Variants in RBFOX1 observed in about 807,000 individuals in gnomAD.
RBFOX1 encodes the protein RNA binding fox-1 homolog 1.
A neutral mutation model predicts 57.7 loss-of-function variants in RBFOX1; 8 were observed. That is an observed-to-expected ratio of 0.14 (90% confidence interval 0.08 to 0.25). The LOEUF (loss-of-function observed/expected upper bound fraction) is 0.25. RBFOX1 is among the 10% of genes least tolerant of loss of function. RBFOX1 has a pLI of 1.00. For synonymous variants in RBFOX1, 326 were observed against 222.4 expected, an observed-to-expected ratio of 1.47 and a Z score of -4.15; for missense variants, 611 against 548.5, an observed-to-expected ratio of 1.11 and a Z score of -1.14.
At chr16:5,852,504 A>C (rs974139810) in intron 3 of RBFOX1, among the ~76,000 whole-genome samples, 2 of 152,198 alleles carry the variant, frequency 1.3e-5, no homozygotes, top group African/African-American at 4.8e-5. Context: ...TCAGCCAGCC[A>C]TGGACTGCAG....
Position 5,497,638 on chromosome 16 carries a change from A to AAAAAT in RBFOX1, c.258+30384_258+30385insAAAAT, listed in dbSNP as rs71142625. Among the ~76,000 whole-genome samples, 174 of 139,444 alleles carry AAAAAT rather than the reference A, an allele frequency of 1.2e-3. 6 individuals carry two copies. Among genetic ancestry groups the AAAAAT allele is most frequent in the Middle Eastern group, 0.012 (3 of 254 alleles). 91.5% of individuals were successfully genotyped at this position (139,444 alleles called of 152,430 possible). ...CTAAAAATACAAAAAAAAAAAAAAA[A>AAAAAT]GCTGGGCATGGTGGCACACACTCCC... On this transcript the variant is annotated intron_variant, in intron 2 of 2. Coordinates refer to the RBFOX1 transcript ENST00000585867.
At chr16:7,069,288 C>T (rs1023373830) in intron 4 of RBFOX1, among the ~76,000 whole-genome samples, 1 of 152,150 alleles carries the variant, frequency 6.6e-6, no homozygotes, top group Non-Finnish European at 1.5e-5. Context: ...CTGCACCTGT[C>T]ATCCCACCAT....
intron 4 of RBFOX1, among the ~76,000 whole-genome samples, chr16:7,336,212 C>A (rs545770788): frequency 2.0e-5 from 3 of 152,176 alleles, no homozygotes; most frequent in African/African-American, 7.2e-5. Context: ...AAGCCATGGA[C>A]CATGGCCAAA....
chr16:5,833,318 C>G (rs1364179552), intron 3 of RBFOX1, among the ~76,000 whole-genome samples: 1 of 151,564 alleles, frequency 6.6e-6, no homozygotes, highest in Non-Finnish European at 1.5e-5. Flanking sequence ...ACGGTGAAAC[C>G]CCATCTCTAC....
intron 4 of RBFOX1, among the ~76,000 whole-genome samples, chr16:5,932,486 A>G (rs867919025): frequency 6.6e-6 from 1 of 152,226 alleles, no homozygotes; most frequent in African/African-American, 2.4e-5. Context: ...CTAAGCAGAC[A>G]GAGACCCCAG....
intron 4 of RBFOX1, among the ~76,000 whole-genome samples, chr16:7,198,170 T>C (rs1209048193): frequency 6.6e-6 from 1 of 151,990 alleles, no homozygotes; most frequent in Non-Finnish European, 1.5e-5. Flanking sequence ...CACAGCTGGC[T>C]AATCTTTTGT....
chr16:7,162,728 CA>C (rs900815412), intron 4 of RBFOX1, among the ~76,000 whole-genome samples: 2 of 150,154 alleles, frequency 1.3e-5, no homozygotes, highest in Admixed American at 6.6e-5. Flanking sequence ...GACCGTAGCT[CA>C]AAAAAAAATA....
intron 2 of RBFOX1, among the ~76,000 whole-genome samples, chr16:6,631,511 G>T (rs1602056540): frequency 6.6e-6 from 1 of 151,964 alleles, no homozygotes; most frequent in Non-Finnish European, 1.5e-5. Flanking sequence ...ATTCGCTCCT[G>T]AACAAATATT....
chr16:7,013,907 C>A (rs974199906), intron 3 of RBFOX1, among the ~76,000 whole-genome samples: 1 of 152,168 alleles, frequency 6.6e-6, no homozygotes, highest in African/African-American at 2.4e-5. Flanking sequence ...ATCTTCCTGC[C>A]TCAGCCTCCC....
rs183697232 is a variant in RBFOX1, at chr16:6,127,472, A to T, written c.-127+107480A>T. 2.7e-3 allele frequency among the ~76,000 whole-genome samples: 418 copies of T among 152,240 alleles called. 1 individual carries two copies. Among genetic ancestry groups the T allele is most frequent in the Non-Finnish European group, 4.6e-3 (310 of 68,016 alleles). ...GCAAGGCAGGGATTTGAAAGATGTG[A>T]AGTGATGTGTCTGTGGGCCTTAGAA... On this transcript the variant is annotated intron_variant, in intron 1 of 15. Transcript: ENST00000550418.
chr16:6,351,928 G>C (rs938466982), intron 2 of RBFOX1, among the ~76,000 whole-genome samples: 2 of 152,138 alleles, frequency 1.3e-5, no homozygotes, highest in African/African-American at 4.8e-5. Context: ...GAGTATACGG[G>C]AGATGCTGTA....
intron 11 of RBFOX1, among the ~76,000 whole-genome samples, chr16:7,635,427 A>C (rs2061595099): frequency 6.6e-6 from 1 of 152,218 alleles, no homozygotes; most frequent in Non-Finnish European, 1.5e-5. Context: ...TGTGCAAATA[A>C]ACATACACAC....
At chr16:6,187,521 A>G (rs1317984179) in intron 1 of RBFOX1, among the ~76,000 whole-genome samples, 1 of 152,144 alleles carries the variant, frequency 6.6e-6, no homozygotes, top group Non-Finnish European at 1.5e-5. Context: ...AACCAAAAAT[A>G]ACTAGCTCTC....
intron 4 of RBFOX1, among the ~76,000 whole-genome samples, chr16:7,128,379 G>C (rs370530289): frequency 6.6e-6 from 1 of 152,132 alleles, no homozygotes; most frequent in Admixed American, 6.5e-5. Flanking sequence ...TAATGAGCTA[G>C]TCCAAAGCCT....
chr16:6,375,980 G>C (rs1435056772), intron 2 of RBFOX1, among the ~76,000 whole-genome samples: 1 of 152,114 alleles, frequency 6.6e-6, no homozygotes, highest in East Asian at 1.9e-4. Context: ...GCTGCCTCCA[G>C]CTCCCCCTCT....
intron 3 of RBFOX1, among the ~76,000 whole-genome samples, chr16:6,853,392 T>C (rs1686682155): frequency 6.6e-6 from 1 of 152,162 alleles, no homozygotes; most frequent in Non-Finnish European, 1.5e-5. Flanking sequence ...CGTTGAATTT[T>C]AGTTCGCAGA....
chr16:5,594,259 C>A (rs575322084), intron 2 of RBFOX1, among the ~76,000 whole-genome samples: 1 of 152,104 alleles, frequency 6.6e-6, no homozygotes, highest in African/African-American at 2.4e-5. Context: ...ACTATAGATA[C>A]AAAGATTGAT....
At chr16:6,189,857 T>A (rs1452980107) in intron 1 of RBFOX1, among the ~76,000 whole-genome samples, 2 of 152,240 alleles carry the variant, frequency 1.3e-5, no homozygotes, top group Non-Finnish European at 2.9e-5. Context: ...AGAAGCTTTT[T>A]CACTTGATGT....
intron 1 of RBFOX1, among the ~76,000 whole-genome samples, chr16:6,191,435 G>T (rs993827102): frequency 6.6e-6 from 1 of 152,060 alleles, no homozygotes; most frequent in Non-Finnish European, 1.5e-5. Context: ...TTAGGGGGTG[G>T]TCACATGGTA....
Sources: gnomAD v4.1 joint callset for allele counts (sites outside exome capture counted in the v4.1 genomes callset) on GRCh38, gnomAD v4.1.1 for gene constraint, MANE v1.5 for transcripts, NCBI Gene and HGNC (gene_info 2026-07-23, HGNC 2026-07-21) for gene names.